The following AGL variants were observed in gnomAD, a reference collection of about 807,000 sequenced individuals.
AGL encodes the protein amylo-alpha-1,6-glucosidase and 4-alpha-glucanotransferase.
AGL carries 128 observed loss-of-function variants against 199.3 expected under a neutral mutation model. The ratio of observed to expected loss-of-function variants is 0.64; its 90% CI spans 0.56 to 0.74. AGL has a LOEUF of 0.74. AGL is among the 30% of genes least tolerant of loss of function. The pLI is 0.00. For synonymous variants in AGL, 584 were observed against 594.7 expected (o/e 0.98, Z 0.26); for missense variants, 1,809 against 1,820.8 (o/e 0.99, Z 0.12).
chr1:99,872,816 C>T (rs779263545), intron 7 of AGL, among the ~76,000 whole-genome samples: 3 of 152,166 alleles, frequency 2.0e-5, no homozygotes, highest in Admixed American at 6.5e-5. Flanking sequence ...CGTGAGCCAC[C>T]GCGCCCAGCC....
chr1:99,907,323 A>G (rs1210246408), intron 27 of AGL, among the ~76,000 whole-genome samples: 1 of 152,172 alleles, frequency 6.6e-6, no homozygotes, highest in Non-Finnish European at 1.5e-5. Flanking sequence ...CATTGTATGT[A>G]TATACCACAT....
Position 99,861,686 on chromosome 1 carries a change from GT to G in AGL, c.268del (p.Ser90HisfsTer18). 1 of 1,613,572 alleles carries G rather than the reference GT, an allele frequency of 6.2e-7. No individual in the cohort carries two copies. Among genetic ancestry groups the G allele is most frequent in the South Asian group, 1.1e-5 (1 of 91,066 alleles). ...TGTAAACTTAATCTGCAACAATCTG[GT>G]TCATTTCAGTATTATTTCCTTCAAG... ...KYCKLNLQQS[G>X]SFQYYFLQGN... On this transcript the variant is annotated frameshift_variant, in exon 3 of 34. Coordinates refer to ENST00000361915, the MANE Select transcript of AGL (RefSeq NM_000642.3). LOFTEE classifies it high-confidence loss of function.
intron 4 of AGL, among the ~76,000 whole-genome samples, chr1:99,863,978 A>G (rs550046544): frequency 6.6e-6 from 1 of 152,184 alleles, no homozygotes; most frequent in Non-Finnish European, 1.5e-5. Context: ...TGGATAATAC[A>G]TGAAGAAAGG....
chr1:99,869,388 G>A (rs796914239), intron 5 of AGL, among the ~76,000 whole-genome samples: 8 of 152,224 alleles, frequency 5.3e-5, no homozygotes, highest in African/African-American at 1.9e-4. Context: ...GACTGAAACT[G>A]GAAATAATAA....
chr1:99,891,597 T>C lies in AGL; in HGVS notation c.2950-9T>C, dbSNP rs1056703468. The C allele has an allele frequency of 8.1e-6, 13 of 1,613,356 alleles. No individual in the cohort carries two copies. In the Admixed American group the frequency reaches 8.3e-5, roughly 10 times the overall value. ...ACCAAATTAACTTTCAAATTTATTT[T>C]AATTACAGGTTGGTAAATGGTTGCA... On this transcript the variant is annotated splice_polypyrimidine_tract_variant and intron_variant, in intron 22 of 33. Transcript: ENST00000361915.
intron 31 of AGL, 113 bp from the exon 32 acceptor site, chr1:99,916,297 A>G (rs981540800): frequency 2.5e-5 from 21 of 845,916 alleles, no homozygotes; most frequent in East Asian, 2.7e-5. Flanking sequence ...CTTATTCTGT[A>G]GAAGACAAAA....
At chr1:99,861,402 T>C in intron 2 of AGL, 101 bp from the exon 3 acceptor site, 1 of 1,566,410 alleles carries the variant, frequency 6.4e-7, no homozygotes, top group South Asian at 1.2e-5. Context: ...TAAACATAAT[T>C]GAAAAATCAA....
Position 99,884,327 on chromosome 1 carries a change from CT to C in AGL, c.2434-5del. ...TTGTTGAATGGATTTTTTTAATGTA[CT>C]TTTTTTCAAGCTTAATGAAAGTAAA... is the stretch of plus-strand genomic sequence containing the variant. On this transcript the variant is annotated splice_polypyrimidine_tract_variant and intron_variant, in intron 18 of 33. Transcript: ENST00000361915. The C allele has an allele frequency of 6.2e-7, 1 of 1,610,630 alleles. No homozygotes were observed. The highest frequency in any genetic ancestry group is 8.5e-7 in the Non-Finnish European group (1 of 1,177,748).
intron 17 of AGL, among the ~76,000 whole-genome samples, chr1:99,882,321 A>G (rs192379198): frequency 8.3e-4 from 126 of 152,262 alleles, no homozygotes; most frequent in African/African-American, 3.0e-3. Flanking sequence ...AACAATATGT[A>G]TATTTGTGTT....
rs150860440 is a variant in AGL at position 99,916,825 on chromosome 1, A to G, written c.4481+94A>G. ...ACAGTTTCTTAGAATTGATTTCTGT[A>G]TGCCCTAGGTATCCCAATGAAAAGT... On this transcript the variant is annotated intron_variant, in intron 33 of 33. Transcript: ENST00000361915. The G allele has an allele frequency of 6.6e-4, 892 of 1,352,618 alleles. 5 individuals are homozygous for G. In the African/African-American group the frequency reaches 0.01, roughly 16 times the overall value. 83.8% of individuals were successfully genotyped at this position (1,352,618 alleles called of 1,614,324 possible). A position where few individuals can be genotyped will look rare whatever the true frequency, so the allele number is the denominator to read the frequency against.
At chr1:99,885,110 C>A (rs775886798) in intron 20 of AGL, among the ~76,000 whole-genome samples, 1 of 152,196 alleles carries the variant, frequency 6.6e-6, no homozygotes, top group African/African-American at 2.4e-5. Flanking sequence ...TTTTGGACAT[C>A]TAGATTGCTT....
intron 20 of AGL, 62 bp from the exon 21 acceptor site, chr1:99,887,916 T>A (rs1054370213): frequency 3.2e-6 from 5 of 1,581,542 alleles, no homozygotes; most frequent in Non-Finnish European, 4.3e-6. Context: ...TTTTCTTCTT[T>A]TGTTTCTATT....
chr1:99,856,320 CT>C (rs1557741443), intron 2 of AGL, among the ~76,000 whole-genome samples: 12 of 52,482 alleles, frequency 2.3e-4, no homozygotes, highest in South Asian at 7.1e-4. Flanking sequence ...CCCTCCCTCC[CT>C]TCCTTCCTCC....
intron 12 of AGL, among the ~76,000 whole-genome samples, chr1:99,879,610 G>A (rs921322856): frequency 1.4e-5 from 2 of 146,350 alleles, no homozygotes; most frequent in Non-Finnish European, 3.1e-5. Flanking sequence ...AAATAAATAA[G>A]CAAACAAAAA....
chr1:99,877,318 T>C lies in AGL; in HGVS notation c.1424-323T>C, dbSNP rs1651628862. On this transcript the variant is annotated intron_variant, in intron 11 of 33. Coordinates refer to ENST00000361915, the MANE Select transcript of AGL (RefSeq NM_000642.3). ...ATAAGTAGGAGGGTGGAGATGGAGT[T>C]TTAAATGTTTTTGGTAGAACTATGG... 2.6e-5 allele frequency among the ~76,000 whole-genome samples: 4 copies of C among 152,260 alleles called. No individual in the cohort carries two copies. The South Asian group carries it at 8.3e-4, about 32-fold the overall frequency.
chr1:99,914,377 A>G (rs1654957781), intron 30 of AGL, among the ~76,000 whole-genome samples: 1 of 152,240 alleles, frequency 6.6e-6, no homozygotes, highest in Admixed American at 6.5e-5. Context: ...TGCTGCAATC[A>G]GTTTGTCCGG....
At chr1:99,861,302 T>G in intron 2 of AGL, 1 of 1,437,194 alleles carries the variant, frequency 7.0e-7, no homozygotes, top group Non-Finnish European at 9.1e-7. Flanking sequence ...GACAGCTCTA[T>G]GATGTTTACT....
chr1:99,883,966 C>A (rs1304662942), intron 17 of AGL, among the ~76,000 whole-genome samples, 154 bp from the exon 18 acceptor site: 1 of 151,886 alleles, frequency 6.6e-6, no homozygotes, highest in East Asian at 1.9e-4. Flanking sequence ...TGAAAATACA[C>A]CTTGGGTAGA....
At chr1:99,887,465 G>A (rs867726136) in intron 20 of AGL, among the ~76,000 whole-genome samples, 7 of 152,114 alleles carry the variant, frequency 4.6e-5, no homozygotes, top group African/African-American at 1.7e-4. Context: ...TATGAAGGTA[G>A]AGAGCATGTG....
Sources: allele counts gnomAD v4.1 joint callset (sites outside exome capture counted in the v4.1 genomes callset), GRCh38; gene constraint gnomAD v4.1.1; transcripts MANE v1.5; gene names NCBI Gene and HGNC (gene_info 2026-07-23, HGNC 2026-07-21).